Variants in THSD7A observed in about 807,000 individuals in gnomAD.
THSD7A encodes the protein thrombospondin type 1 domain containing 7A.
THSD7A carries 96 observed loss-of-function variants against 231.3 expected under a neutral mutation model. That is an observed-to-expected ratio of 0.41 (90% CI 0.35 to 0.49). The LOEUF (loss-of-function observed/expected upper bound fraction) is 0.49. Ranked by LOEUF, THSD7A falls within the 20% of genes least tolerant of loss-of-function variation. THSD7A has a pLI of 0.05. For missense variants in THSD7A, 2,290 were observed against 2,070.2 expected, an observed-to-expected ratio of 1.11 and a Z score of -2.06; for synonymous variants, 940 against 743.3, an observed-to-expected ratio of 1.26 and a Z score of -4.30.
chr7:11,422,530 T>C (rs1583710233), intron 16 of THSD7A, among the ~76,000 whole-genome samples: 1 of 121,880 alleles, frequency 8.2e-6, no homozygotes, highest in Non-Finnish European at 1.7e-5. Context: ...ACTGAAAAAA[T>C]AAATTGATCT....
At chr7:11,503,931 C>T (rs1020525692) in intron 6 of THSD7A, among the ~76,000 whole-genome samples, 4 of 152,150 alleles carry the variant, frequency 2.6e-5, no homozygotes, top group South Asian at 4.2e-4. Context: ...AGCAGAAGTA[C>T]CATTTGGTCC....
At chr7:11,387,849 C>G (rs763799669) in intron 23 of THSD7A, among the ~76,000 whole-genome samples, 8 of 152,102 alleles carry the variant, frequency 5.3e-5, no homozygotes, top group Non-Finnish European at 1.0e-4. Context: ...GTGGGTTTGT[C>G]ATAAATAGCT....
At chr7:11,820,984 G>A (rs1583317928) in intron 1 of THSD7A, 2 of 1,033,920 alleles carry the variant, frequency 1.9e-6, no homozygotes, top group African/African-American at 1.6e-5. Flanking sequence ...AGATCAACAG[G>A]ATCATCTCTG....
chr7:11,391,755 G>A (rs1463937709), intron 23 of THSD7A, among the ~76,000 whole-genome samples: 2 of 152,186 alleles, frequency 1.3e-5, no homozygotes, highest in Admixed American at 1.3e-4. Context: ...AGGCACCAGA[G>A]GGAATCTCTT....
intron 1 of THSD7A, among the ~76,000 whole-genome samples, chr7:11,821,764 A>G (rs1583318486): frequency 6.6e-6 from 1 of 152,174 alleles, no homozygotes; most frequent in Non-Finnish European, 1.5e-5. Flanking sequence ...ATTATTGTTC[A>G]TATAAGGGAA....
intron 4 of THSD7A, among the ~76,000 whole-genome samples, chr7:11,585,377 G>A (rs150571906): frequency 6.6e-6 from 1 of 152,220 alleles, no homozygotes; most frequent in East Asian, 1.9e-4. Flanking sequence ...GATTCCTTTG[G>A]GGATTCCTAT....
chr7:11,752,535 T>C (rs956441487), intron 1 of THSD7A, among the ~76,000 whole-genome samples: 3 of 152,062 alleles, frequency 2.0e-5, no homozygotes, highest in African/African-American at 7.2e-5. Context: ...GAGATAAGAT[T>C]ATTTTATAGA....
chr7:11,402,110 A>G (rs1783426729), intron 22 of THSD7A, 142 bp from the exon 23 acceptor site: 2 of 660,906 alleles, frequency 3.0e-6, no homozygotes, highest in Non-Finnish European at 4.9e-6. Flanking sequence ...TAAGCATTTA[A>G]TATTTGTAAA....
At chr7:11,390,036 G>T (rs993699485) in intron 23 of THSD7A, among the ~76,000 whole-genome samples, 2 of 152,098 alleles carry the variant, frequency 1.3e-5, no homozygotes. Flanking sequence ...CTATCTGGCT[G>T]CCCTTAACAT....
intron 16 of THSD7A, among the ~76,000 whole-genome samples, chr7:11,423,615 C>T (rs1428918059): frequency 2.6e-5 from 4 of 151,666 alleles, no homozygotes; most frequent in Non-Finnish European, 4.4e-5. Flanking sequence ...GTGATCCACC[C>T]GCCTCGGCCT....
intron 6 of THSD7A, among the ~76,000 whole-genome samples, chr7:11,501,774 CAAAA>C (rs1177777368): frequency 1.3e-5 from 2 of 152,030 alleles, no homozygotes; most frequent in South Asian, 4.1e-4. Context: ...TGAGAAATAA[CAAAA>C]AATCAGAGCT....
chr7:11,376,518 T>G, intron 27 of THSD7A, 52 bp downstream of exon 27: 1 of 1,365,140 alleles, frequency 7.3e-7, no homozygotes, highest in Admixed American at 2.0e-5. Context: ...GTTTGCTGTT[T>G]CTGTGTTACG....
At chr7:11,574,109 G>T (rs1219425135) in intron 4 of THSD7A, among the ~76,000 whole-genome samples, 1 of 152,062 alleles carries the variant, frequency 6.6e-6, no homozygotes, top group Non-Finnish European at 1.5e-5. Flanking sequence ...GAAAATTTTG[G>T]GCTAGATATA....
intron 17 of THSD7A, 32 bp downstream of exon 17, chr7:11,417,418 C>T: frequency 1.3e-6 from 2 of 1,528,710 alleles, no homozygotes; most frequent in Non-Finnish European, 1.8e-6. Flanking sequence ...ATTAAATAAA[C>T]TCTACATTAA....
intron 1 of THSD7A, among the ~76,000 whole-genome samples, chr7:11,756,008 G>C (rs892278211): frequency 2.0e-5 from 3 of 151,968 alleles, no homozygotes; most frequent in Admixed American, 1.3e-4. Flanking sequence ...CTAAGTTTCA[G>C]CTAAAAATCT....
intron 7 of THSD7A, among the ~76,000 whole-genome samples, chr7:11,476,350 CA>C (rs1583814414): frequency 1.3e-5 from 2 of 151,300 alleles, no homozygotes; most frequent in African/African-American, 4.9e-5. Flanking sequence ...CACACACACA[CA>C]CACACACACA....
At position 11,406,965 on chromosome 7, in the gene THSD7A, G is replaced by A. The variant is rs768103391; in HGVS notation, c.4007C>T (p.Pro1336Leu). ...TTGCCACCGATAACAAGGCTTCACT[G>A]GGCAGGGTTTGGACTGGTCCATCAG... is the stretch of plus-strand genomic sequence containing the variant. Reference protein sequence around the residue: ...PSLMDQSKPCPVKPCYRWQYG... With the variant: ...PSLMDQSKPCLVKPCYRWQYG... The change falls in exon 21 of 28, where the codon CCA becomes CTA. Residue 1336 changes from proline to leucine, a missense_variant. Physicochemically the swap from Pro to Leu is moderately conservative, Grantham distance 98 (BLOSUM62 -3). Transcript: ENST00000423059. This position sits in a 1 kb window ranked among gnomAD's most constrained non-coding sequence, Gnocchi z 4.7. The A allele has an allele frequency of 6.2e-7, 1 of 1,613,886 alleles. No individual in the cohort carries two copies. Among genetic ancestry groups the A allele is most frequent in the Non-Finnish European group, 8.5e-7 (1 of 1,179,856 alleles).
At chr7:11,714,639 C>T (rs2128150268) in intron 1 of THSD7A, among the ~76,000 whole-genome samples, 1 of 150,584 alleles carries the variant, frequency 6.6e-6, no homozygotes, top group Non-Finnish European at 1.5e-5. Flanking sequence ...ACACAGAAAG[C>T]ATCTTCTTAA....
intron 1 of THSD7A, among the ~76,000 whole-genome samples, chr7:11,697,019 C>A (rs1035289980): frequency 2.0e-5 from 3 of 151,332 alleles, no homozygotes; most frequent in Non-Finnish European, 3.0e-5. Context: ...GATTCAATAT[C>A]TTTGAATTTG....
Sources: allele counts gnomAD v4.1 joint callset (sites outside exome capture counted in the v4.1 genomes callset), GRCh38; gene constraint gnomAD v4.1.1; non-coding constraint Gnocchi (gnomAD v3.1); transcripts MANE v1.5; gene names NCBI Gene and HGNC (gene_info 2026-07-23, HGNC 2026-07-21).